The following LINGO2 variants were observed in gnomAD, a reference collection of about 807,000 sequenced individuals.
LINGO2 encodes the protein leucine rich repeat and Ig domain containing 2.
A neutral mutation model predicts 30.6 loss-of-function variants in LINGO2; 14 were observed. The observed-to-expected ratio is 0.46, with a 90% CI of 0.30 to 0.72. The LOEUF (loss-of-function observed/expected upper bound fraction) is 0.72, where lower values mean the gene tolerates loss of function less well. Ranked by LOEUF, LINGO2 falls within the 30% of genes least tolerant of loss-of-function variation. The pLI is 0.07. For missense variants in LINGO2, 729 were observed against 751.7 expected (o/e 0.97, Z 0.35); for synonymous variants, 317 against 288.5 (o/e 1.10, Z -1.00).
In LINGO2 at chr9:28,194,580, AT is replaced by A. The variant is rs1554685618; in HGVS notation, c.-87+100627del. Among the ~76,000 whole-genome samples the A allele has an allele frequency of 1.0e-3, 128 of 124,230 alleles. 2 individuals are homozygous for A. Among genetic ancestry groups the A allele is most frequent in the East Asian group, 6.5e-3 (20 of 3,100 alleles). 81.5% of individuals were successfully genotyped at this position (124,230 alleles called of 152,430 possible). On this transcript the variant is annotated intron_variant, in intron 4 of 5. Transcript: ENST00000379992. Reference sequence around the variant, plus strand: ...CTATCCTAAAAAAAAAAAAAAAAAAATGGCTAAATTCACTAATAACAAGGAA... The same window carrying A: ...CTATCCTAAAAAAAAAAAAAAAAAAAGGCTAAATTCACTAATAACAAGGAA...
At chr9:28,991,822 T>G in the LINGO2 span, among the ~76,000 whole-genome samples, 1 of 148,934 alleles carries the variant, frequency 6.7e-6, no homozygotes, top group Middle Eastern at 3.4e-3. Context: ...TGCTGAGAGA[T>G]TTTGTCACCA....
At chr9:28,571,445 C>T (rs538928814) in intron 1 of LINGO2, among the ~76,000 whole-genome samples, 4 of 151,980 alleles carry the variant, frequency 2.6e-5, no homozygotes, top group African/African-American at 4.8e-5. Flanking sequence ...TAATAATTAT[C>T]GTTATCACAT....
At chr9:28,540,856 C>T (rs182861142) in intron 1 of LINGO2, among the ~76,000 whole-genome samples, 3 of 152,172 alleles carry the variant, frequency 2.0e-5, no homozygotes, top group African/African-American at 7.2e-5. Context: ...TAGTCTTTGC[C>T]CAGGTGTACA....
the LINGO2 span, among the ~76,000 whole-genome samples, chr9:28,838,595 T>TA: frequency 6.6e-6 from 1 of 152,314 alleles, no homozygotes; most frequent in African/African-American, 2.4e-5. Context: ...TTGCTCAAGC[T>TA]AATAATCTGG....
intron 4 of LINGO2, among the ~76,000 whole-genome samples, chr9:28,240,527 G>A (rs537483429): frequency 1.3e-5 from 2 of 152,184 alleles, no homozygotes; most frequent in East Asian, 3.9e-4. Context: ...AATGTGTCAA[G>A]AACATACATT....
intron 3 of LINGO2, among the ~76,000 whole-genome samples, chr9:28,308,211 T>A (rs1824451169): frequency 7.8e-6 from 1 of 128,424 alleles, no homozygotes; most frequent in African/African-American, 2.6e-5. Context: ...CAAAACAGCA[T>A]GGTACTGGTA....
chr9:28,320,156 C>T (rs571473242), intron 3 of LINGO2, among the ~76,000 whole-genome samples: 20 of 152,192 alleles, frequency 1.3e-4, no homozygotes, highest in African/African-American at 4.3e-4. Flanking sequence ...CATACAATCC[C>T]CTCATTCTCA....
At chr9:28,074,914 C>T (rs372438026) in intron 4 of LINGO2, among the ~76,000 whole-genome samples, 1 of 151,170 alleles carries the variant, frequency 6.6e-6, no homozygotes, top group African/African-American at 2.4e-5. Context: ...TTTTAAAGTA[C>T]ACAATTTAAT....
At chr9:28,559,578 T>A (rs1025986922) in intron 1 of LINGO2, among the ~76,000 whole-genome samples, 4 of 152,144 alleles carry the variant, frequency 2.6e-5, no homozygotes, top group African/African-American at 4.8e-5. Flanking sequence ...AATAATGGAA[T>A]CTATTTTCTT....
At chr9:28,613,733 A>G in intron 1 of LINGO2, among the ~76,000 whole-genome samples, 1 of 152,118 alleles carries the variant, frequency 6.6e-6, no homozygotes, top group East Asian at 1.9e-4. Context: ...ACTGCCAAAG[A>G]CTGATTCTGT....
intron 1 of LINGO2, among the ~76,000 whole-genome samples, chr9:28,602,766 C>A (rs1423411568): frequency 1.3e-5 from 2 of 152,016 alleles, no homozygotes; most frequent in African/African-American, 2.4e-5. Context: ...TGCTGTATCT[C>A]CATACAGAAG....
intron 4 of LINGO2, among the ~76,000 whole-genome samples, chr9:28,066,707 A>C (rs999478005): frequency 6.6e-6 from 1 of 152,060 alleles, no homozygotes; most frequent in African/African-American, 2.4e-5. Flanking sequence ...ACTTAACAAG[A>C]TCTTTAAAAT....
intron 2 of LINGO2, among the ~76,000 whole-genome samples, chr9:28,444,341 C>T (rs1470029324): frequency 6.6e-6 from 1 of 152,240 alleles, no homozygotes; most frequent in Non-Finnish European, 1.5e-5. Context: ...CACTATAGCC[C>T]TCCTGTTCTC....
chr9:28,174,081 T>C (rs897383398), intron 4 of LINGO2, among the ~76,000 whole-genome samples: 3 of 152,118 alleles, frequency 2.0e-5, no homozygotes, highest in African/African-American at 7.2e-5. Flanking sequence ...ATGCACTAAG[T>C]TTTTTGCAGA....
At chr9:28,626,456 T>C (rs972308260) in intron 1 of LINGO2, among the ~76,000 whole-genome samples, 14 of 152,142 alleles carry the variant, frequency 9.2e-5, no homozygotes, top group Non-Finnish European at 1.9e-4. Context: ...TTGAAAACTG[T>C]CTAAAATATC....
At chr9:28,801,601 C>T in the LINGO2 span, among the ~76,000 whole-genome samples, 47 of 152,116 alleles carry the variant, frequency 3.1e-4, no homozygotes, top group African/African-American at 9.9e-4. Context: ...TCCTTTTGTC[C>T]GCCTCACTGT....
At chr9:28,324,781 A>G (rs974242004) in intron 3 of LINGO2, among the ~76,000 whole-genome samples, 1 of 152,176 alleles carries the variant, frequency 6.6e-6, no homozygotes. Context: ...CCCTTGTTTA[A>G]CATATAATCA....
chr9:28,700,953 T>G, the LINGO2 span, among the ~76,000 whole-genome samples: 3 of 152,098 alleles, frequency 2.0e-5, no homozygotes, highest in Non-Finnish European at 2.9e-5. Flanking sequence ...TCTGTATATT[T>G]TCTTTGGTGA....
intron 4 of LINGO2, among the ~76,000 whole-genome samples, chr9:28,024,746 G>T (rs1205632486): frequency 6.6e-6 from 1 of 152,138 alleles, no homozygotes; most frequent in East Asian, 1.9e-4. Context: ...TTGTTCTGGG[G>T]AGCCACATGG....
Sources: allele counts gnomAD v4.1 joint callset (sites outside exome capture counted in the v4.1 genomes callset), GRCh38; gene constraint gnomAD v4.1.1; transcripts MANE v1.5; gene names NCBI Gene and HGNC (gene_info 2026-07-23, HGNC 2026-07-21).